FHAD1: variants seen among roughly 807,000 people sequenced by gnomAD.
The protein encoded by FHAD1 is forkhead associated phosphopeptide binding domain 1.
FHAD1 carries 146 observed loss-of-function variants against 191.3 expected under a neutral mutation model. The ratio of observed to expected loss-of-function variants is 0.76; its 90% CI spans 0.67 to 0.88. FHAD1 has a LOEUF of 0.88. Ranked by LOEUF, FHAD1 falls within the 40% of genes least tolerant of loss-of-function variation. The probability of loss-of-function intolerance (pLI) is 0.00; values close to 1 mark genes in which losing one functional copy is unlikely to be tolerated. For missense variants in FHAD1, 1,635 were observed against 1,785.8 expected (o/e 0.92, Z 1.52); for synonymous variants, 616 against 672.3 (o/e 0.92, Z 1.29).
rs1672287414 is a variant in FHAD1 at position 15,311,570 on chromosome 1, G to A, written c.1040-1487G>A. Among the ~76,000 whole-genome samples the A allele has an allele frequency of 1.3e-5, 2 of 152,162 alleles. No homozygotes were observed. Among genetic ancestry groups the A allele is most frequent in the South Asian group, 2.1e-4 (1 of 4,826 alleles). Reference sequence around the variant, plus strand: ...AAGGAACTTAACTGTGTCCCCGGACGAAGCTCATTTTTACAATGAAATTCT... The same window carrying A: ...AAGGAACTTAACTGTGTCCCCGGACAAAGCTCATTTTTACAATGAAATTCT... On this transcript the variant is annotated intron_variant, in intron 7 of 33. Transcript: ENST00000688493. The surrounding 1 kb of genome is among the most constrained non-coding windows in gnomAD (Gnocchi z 4.1).
intron 2 of FHAD1, among the ~76,000 whole-genome samples, chr1:15,259,280 G>A (rs1226532110): frequency 1.3e-5 from 2 of 152,158 alleles, no homozygotes; most frequent in East Asian, 1.9e-4. Flanking sequence ...TGTATATGCC[G>A]TGTATGTGTT....
chr1:15,286,506 A>C (rs1015588769), intron 3 of FHAD1, among the ~76,000 whole-genome samples: 1 of 152,214 alleles, frequency 6.6e-6, no homozygotes, highest in Non-Finnish European at 1.5e-5. Context: ...TGTTTCAAAA[A>C]AAATGGAGAA....
chr1:15,346,418 C>T lies in FHAD1; in HGVS notation c.2346+895C>T, dbSNP rs143055363. On this transcript the variant is annotated intron_variant, in intron 18 of 33. Transcript: ENST00000688493. ...AGCCTTACCGGGTAGCAGCAGTTTGCCAGAGTCCTCACCACTCCCCGTTGC... is the reference window on the plus strand; with the variant it reads ...AGCCTTACCGGGTAGCAGCAGTTTGTCAGAGTCCTCACCACTCCCCGTTGC... Among the ~76,000 whole-genome samples, 172 of 152,308 alleles carry T rather than the reference C, an allele frequency of 1.1e-3. 1 individual carries two copies. The South Asian group carries it at 0.012, about 11-fold the overall frequency.
intron 5 of FHAD1, among the ~76,000 whole-genome samples, chr1:15,300,975 G>A (rs1411346785): frequency 2.0e-5 from 3 of 152,034 alleles, no homozygotes; most frequent in Non-Finnish European, 4.4e-5. Context: ...GATTACAGGC[G>A]CTTGCCACCA....
At chr1:15,393,819 G>A (rs1029746306) in intron 33 of FHAD1, among the ~76,000 whole-genome samples, 3 of 151,308 alleles carry the variant, frequency 2.0e-5, no homozygotes, top group East Asian at 1.9e-4. Flanking sequence ...ATAACTTTGA[G>A]CCCAGTGTTT....
chr1:15,243,932 C>T (rs1240381439), upstream of FHAD1, among the ~76,000 whole-genome samples: 1 of 152,178 alleles, frequency 6.6e-6, no homozygotes, highest in Non-Finnish European at 1.5e-5. Context: ...TGACTTTAGG[C>T]AGATTTCTCC....
At chr1:15,374,353 A>C in intron 26 of FHAD1, 149 bp from the exon 27 acceptor site, 5 of 916,282 alleles carry the variant, frequency 5.5e-6, no homozygotes, top group Non-Finnish European at 6.4e-6. Flanking sequence ...GAAAAATGTA[A>C]ATTCTATCTC....
At chr1:15,299,440 T>A (rs1668046896) in intron 5 of FHAD1, among the ~76,000 whole-genome samples, 1 of 152,108 alleles carries the variant, frequency 6.6e-6, no homozygotes, top group Non-Finnish European at 1.5e-5. Flanking sequence ...AGTCTGTAAG[T>A]TTAAAGTTTA....
chr1:15,242,907 T>A (rs1645555434), upstream of FHAD1, among the ~76,000 whole-genome samples: 1 of 152,162 alleles, frequency 6.6e-6, no homozygotes, highest in African/African-American at 2.4e-5. Flanking sequence ...ACCCATTTAA[T>A]CCTTTCAATA....
intron 14 of FHAD1, chr1:15,334,322 C>G (rs997038739): frequency 6.6e-6 from 1 of 151,376 alleles, no homozygotes; most frequent in Non-Finnish European, 1.5e-5. Flanking sequence ...AGCAATGTAC[C>G]AGGCACATGC....
chr1:15,361,485 GGA>G (rs1245137804), intron 22 of FHAD1, among the ~76,000 whole-genome samples: 1 of 151,996 alleles, frequency 6.6e-6, no homozygotes, highest in African/African-American at 2.4e-5. Flanking sequence ...CAAGCCATCA[GGA>G]CTTACCTCAT....
chr1:15,290,804 G>A (rs1014855665), intron 4 of FHAD1, among the ~76,000 whole-genome samples: 3 of 151,948 alleles, frequency 2.0e-5, no homozygotes, highest in African/African-American at 7.3e-5. Context: ...CGCCTTCTGG[G>A]TTCACGCCAT....
chr1:15,238,654 C>T (rs1645040862), intron 1 of FHAD1, among the ~76,000 whole-genome samples: 1 of 152,198 alleles, frequency 6.6e-6, no homozygotes, highest in Non-Finnish European at 1.5e-5. Flanking sequence ...CACCACAGAG[C>T]CTTGTACACA....
upstream of FHAD1, among the ~76,000 whole-genome samples, chr1:15,246,453 C>T (rs1474873244): frequency 1.1e-5 from 1 of 90,390 alleles, no homozygotes; most frequent in East Asian, 2.1e-4. Flanking sequence ...CAGGTAGAGT[C>T]AGCAGGAGAT....
intron 1 of FHAD1, among the ~76,000 whole-genome samples, chr1:15,240,330 AGC>A (rs1374779154): frequency 6.6e-6 from 1 of 152,192 alleles, no homozygotes; most frequent in African/African-American, 2.4e-5. Context: ...TAACAATGTG[AGC>A]TTGAAACTGG....
At chr1:15,291,271 G>A (rs1265833439) in intron 4 of FHAD1, among the ~76,000 whole-genome samples, 2 of 151,872 alleles carry the variant, frequency 1.3e-5, no homozygotes, top group Non-Finnish European at 2.9e-5. Context: ...CAGTAGAGAC[G>A]AGGTTTTGCC....
chr1:15,306,504 A>G (rs1180408668), intron 6 of FHAD1, among the ~76,000 whole-genome samples: 1 of 152,192 alleles, frequency 6.6e-6, no homozygotes. Flanking sequence ...AGAGACCTTC[A>G]CAGCAGCCCC....
chr1:15,333,448 T>A (rs1473227272), intron 14 of FHAD1, among the ~76,000 whole-genome samples: 5 of 152,190 alleles, frequency 3.3e-5, no homozygotes, highest in Admixed American at 6.5e-5. Flanking sequence ...TAGATACGGT[T>A]CTCAGCATTT....
chr1:15,309,726 C>T (rs533231957), intron 7 of FHAD1, among the ~76,000 whole-genome samples: 3 of 151,252 alleles, frequency 2.0e-5, no homozygotes, highest in East Asian at 3.9e-4. Flanking sequence ...GTATTTTATG[C>T]GTGGCCCAAG....
Sources: allele counts gnomAD v4.1 joint callset (sites outside exome capture counted in the v4.1 genomes callset), GRCh38; gene constraint gnomAD v4.1.1; non-coding constraint Gnocchi (gnomAD v3.1); transcripts MANE v1.5; gene names NCBI Gene and HGNC (gene_info 2026-07-23, HGNC 2026-07-21).